Variants in COBL observed in about 807,000 individuals in gnomAD.
The protein encoded by COBL is cordon-bleu WH2 repeat protein, also known as protein cordon-bleu.
COBL carries 51 observed loss-of-function variants against 98.8 expected under a neutral mutation model. That is an observed-to-expected ratio of 0.52 (90% CI 0.41 to 0.65). COBL has a LOEUF of 0.65. Among genes scored for constraint, COBL ranks in the 30% least tolerant of loss-of-function variants. COBL has a pLI of 0.00. For missense variants in COBL, 1,617 were observed against 1,617.5 expected, an observed-to-expected ratio of 1.00 and a Z score of 0.01; for synonymous variants, 634 against 651.7, an observed-to-expected ratio of 0.97 and a Z score of 0.41.
chr7:51,283,318 A>C (rs1799970915), intron 1 of COBL, among the ~76,000 whole-genome samples: 1 of 152,236 alleles, frequency 6.6e-6, no homozygotes, highest in Non-Finnish European at 1.5e-5. Context: ...GACCACAGAC[A>C]ATACAAGAAT....
chr7:51,301,889 C>A (rs745843741), intron 1 of COBL, among the ~76,000 whole-genome samples: 1 of 152,230 alleles, frequency 6.6e-6, no homozygotes, highest in Non-Finnish European at 1.5e-5. Flanking sequence ...TGCCTCTCTG[C>A]CCAGCCACAT....
intron 2 of COBL, among the ~76,000 whole-genome samples, chr7:51,194,605 T>C (rs1790422269): frequency 6.6e-6 from 1 of 152,180 alleles, no homozygotes; most frequent in African/African-American, 2.4e-5. Flanking sequence ...CCTTTTTCTC[T>C]GCAACCTTAC....
At chr7:51,218,483 T>C (rs1793309008) in intron 2 of COBL, among the ~76,000 whole-genome samples, 1 of 152,250 alleles carries the variant, frequency 6.6e-6, no homozygotes, top group Admixed American at 6.5e-5. Context: ...ATATCATTTC[T>C]TTTTTTCTGG....
At chr7:51,160,971 G>A (rs909952510) in intron 5 of COBL, among the ~76,000 whole-genome samples, 4 of 151,534 alleles carry the variant, frequency 2.6e-5, no homozygotes, top group African/African-American at 7.3e-5. Flanking sequence ...TGGCGCAATC[G>A]AGGCTCACTG....
At chr7:51,055,784 T>C (rs761872094) in intron 7 of COBL, among the ~76,000 whole-genome samples, 1 of 152,194 alleles carries the variant, frequency 6.6e-6, no homozygotes, top group Non-Finnish European at 1.5e-5. Context: ...CACCTACATT[T>C]AAGCTTTGTA....
At chr7:51,147,632 A>G (rs1396309703) in intron 5 of COBL, among the ~76,000 whole-genome samples, 1 of 152,186 alleles carries the variant, frequency 6.6e-6, no homozygotes, top group African/African-American at 2.4e-5. Context: ...AAACACCTCC[A>G]AATAAGGAAG....
intron 1 of COBL, among the ~76,000 whole-genome samples, chr7:51,293,759 A>G (rs576737319): frequency 2.6e-5 from 4 of 152,336 alleles, no homozygotes; most frequent in East Asian, 3.9e-4. Context: ...AAATTCATCC[A>G]TAAGTGAGAA....
At position 51,157,357 on chromosome 7, in the gene COBL, A is replaced by G. The variant is rs572719424; in HGVS notation, c.784-21026T>C. ...CACTGCACTCCAGCCTGGGCAACAC[A>G]GCAAGACTCCGCCTCAAAAAAAATA... On this transcript the variant is annotated intron_variant, in intron 5 of 12. Coordinates refer to ENST00000265136, the MANE Select transcript of COBL (RefSeq NM_015198.5). Among the ~76,000 whole-genome samples, 5 of 152,334 alleles carry G rather than the reference A, an allele frequency of 3.3e-5. No individual in the cohort carries two copies. In the East Asian group the frequency reaches 9.7e-4, roughly 29 times the overall value.
intron 1 of COBL, among the ~76,000 whole-genome samples, chr7:51,263,140 G>A (rs747399410): frequency 5.9e-5 from 9 of 152,158 alleles, no homozygotes; most frequent in Non-Finnish European, 1.0e-4. Flanking sequence ...CCAGCTCACC[G>A]GAAGCCACCC....
chr7:51,145,044 T>C (rs1236843468), intron 5 of COBL, among the ~76,000 whole-genome samples: 1 of 152,252 alleles, frequency 6.6e-6, no homozygotes, highest in Non-Finnish European at 1.5e-5. Context: ...GACAGAGTCT[T>C]GCTCTTGTCG....
chr7:51,212,561 T>C (rs1188710106), intron 2 of COBL, among the ~76,000 whole-genome samples: 1 of 152,204 alleles, frequency 6.6e-6, no homozygotes, highest in Non-Finnish European at 1.5e-5. Flanking sequence ...GGAAATGGAC[T>C]GAAAAATACT....
At chr7:51,303,716 C>T (rs1445906090) in intron 1 of COBL, among the ~76,000 whole-genome samples, 4 of 152,192 alleles carry the variant, frequency 2.6e-5, no homozygotes. Flanking sequence ...TATCTGCTGA[C>T]CCAACTCCAA....
rs1219930258 is a variant in COBL, at chr7:51,028,078, G to T, written c.3018C>A (p.Ala1006=). The T allele has an allele frequency of 6.2e-7, 1 of 1,613,732 alleles. No homozygotes were observed. Among genetic ancestry groups the T allele is most frequent in the South Asian group, 1.1e-5 (1 of 90,992 alleles). ...SGKQSTSSQE[A]SSASEPRRAP... ...CGCGTCTGGGCTCAGATGCTGAGCT[G>T]GCCTCCTGGCTACTTGTGCTTTGCT... Residue 1006 remains alanine (A), a synonymous_variant, in exon 10 of 13, where the codon GCC becomes GCA. Transcript: ENST00000265136.
chr7:51,202,187 G>A (rs530859426), intron 2 of COBL, among the ~76,000 whole-genome samples: 113 of 152,038 alleles, frequency 7.4e-4, no homozygotes, highest in Non-Finnish European at 1.3e-3. Flanking sequence ...TAAGTGAAAA[G>A]GTAAAAGTTC....
At chr7:51,294,643 C>CAAAAAA (rs3047621) in intron 1 of COBL, among the ~76,000 whole-genome samples, 1 of 80,578 alleles carries the variant, frequency 1.2e-5, no homozygotes, top group Non-Finnish European at 2.3e-5. Flanking sequence ...AACTCCATCT[C>CAAAAAA]AAAAAAAAAA....
At chr7:51,284,549 C>T (rs954281555) in intron 1 of COBL, among the ~76,000 whole-genome samples, 1 of 151,708 alleles carries the variant, frequency 6.6e-6, no homozygotes, top group Non-Finnish European at 1.5e-5. Context: ...AGCTATAAGG[C>T]CAGGCATGGT....
At chr7:51,299,171 T>TACAC (rs139865540) in intron 1 of COBL, among the ~76,000 whole-genome samples, 21 of 148,798 alleles carry the variant, frequency 1.4e-4, no homozygotes, top group Admixed American at 2.7e-4. Flanking sequence ...CACACATACA[T>TACAC]ACACACACAC....
At chr7:51,031,773 G>C (rs1788176074) in intron 8 of COBL, 1 of 152,312 alleles carries the variant, frequency 6.6e-6, no homozygotes, top group South Asian at 2.1e-4. Flanking sequence ...ACTTGCAGGG[G>C]CAGGGCTTGG....
intron 6 of COBL, among the ~76,000 whole-genome samples, chr7:51,116,620 GTTTT>G (rs1382654912): frequency 1.3e-5 from 2 of 151,956 alleles, no homozygotes; most frequent in African/African-American, 2.4e-5. Flanking sequence ...AGAAAAAATA[GTTTT>G]TTTATGTTTA....
Sources: gnomAD v4.1 joint callset for allele counts (sites outside exome capture counted in the v4.1 genomes callset) on GRCh38, gnomAD v4.1.1 for gene constraint, MANE v1.5 for transcripts, NCBI Gene and HGNC (gene_info 2026-07-23, HGNC 2026-07-21) for gene names.